CFAP92: variants seen among roughly 807,000 people sequenced by gnomAD.
CFAP92 encodes the protein cilia and flagella associated protein 92 (putative).
In CFAP92, 86 loss-of-function variants were observed where a neutral mutation model predicts 106.3. That is an observed-to-expected ratio of 0.81 (90% CI 0.68 to 0.97). The LOEUF (loss-of-function observed/expected upper bound fraction) is 0.97, where lower values mean the gene tolerates loss of function less well. Ranked by LOEUF, CFAP92 falls within the 50% of genes least tolerant of loss-of-function variation. The pLI is 0.00. For synonymous variants in CFAP92, 477 were observed against 506.4 expected (o/e 0.94, Z 0.78); for missense variants, 1,204 against 1,283.8 (o/e 0.94, Z 0.95).
chr3:128,970,521 G>A (rs768308155), intron 8 of CFAP92: 1 of 151,854 alleles, frequency 6.6e-6, no homozygotes, highest in South Asian at 2.1e-4. Flanking sequence ...AAAAAAAAAG[G>A]GGGGGAGTTC....
At chr3:128,912,864 G>A (rs538465197) in intron 15 of CFAP92, 32 of 639,420 alleles carry the variant, frequency 5.0e-5, no homozygotes, top group South Asian at 4.0e-4. Context: ...CCCTGGAACT[G>A]GCGGGTATTC....
rs371908825 is a variant in CFAP92 at position 128,910,111 on chromosome 3, C to T, written c.*188G>A. On this transcript the variant is annotated 3_prime_UTR_variant, in exon 16 of 16. Transcript: ENST00000645291. The stretch of plus-strand genomic sequence containing the variant: ...GACGGCCGTGCTGTCGCGGGCCAGC[C>T]GCTCCATCCGCATTGGGCTCCGCAA... The T allele has an allele frequency of 1.2e-5, 20 of 1,613,866 alleles. No individual in the cohort carries two copies. The highest frequency in any genetic ancestry group is 6.7e-5 in the African/African-American group (5 of 74,938).
chr3:128,991,761 G>A (rs988876172), intron 2 of CFAP92: 1 of 1,011,094 alleles, frequency 9.9e-7, no homozygotes, highest in East Asian at 1.1e-4. Flanking sequence ...TGCGCTCTCG[G>A]GGTTCCAACC....
At chr3:129,000,391 G>A (rs1944666701) in intron 1 of CFAP92, among the ~76,000 whole-genome samples, 1 of 152,190 alleles carries the variant, frequency 6.6e-6, no homozygotes, top group South Asian at 2.1e-4. Flanking sequence ...TGTGGCAGAG[G>A]AGACAGAATG....
intron 9 of CFAP92, among the ~76,000 whole-genome samples, chr3:128,957,850 G>C (rs1362475375): frequency 6.6e-6 from 1 of 152,006 alleles, no homozygotes; most frequent in Non-Finnish European, 1.5e-5. Context: ...GGCTTAAAAT[G>C]ACAGAAATTT....
At chr3:129,012,929 C>T in the CFAP92 span, among the ~76,000 whole-genome samples, 4 of 152,058 alleles carry the variant, frequency 2.6e-5, no homozygotes, top group South Asian at 2.1e-4. Context: ...AAGGGCCTGG[C>T]GCATGGATGG....
At chr3:129,004,212 C>G, upstream of CFAP92, 1 of 1,152,578 alleles carries the variant, frequency 8.7e-7, no homozygotes, top group Non-Finnish European at 1.1e-6. Context: ...TGTATTCTTT[C>G]ATTCCTTTGT....
intron 1 of CFAP92, chr3:129,001,522 C>T (rs559331172): frequency 2.3e-6 from 3 of 1,331,474 alleles, no homozygotes; most frequent in Admixed American, 8.0e-5. Context: ...CCAACCAGAC[C>T]GCGACCGCTA....
chr3:128,924,156 G>C lies in CFAP92; in HGVS notation c.2752-7885C>G, dbSNP rs1937519580. ...AGCTGAGTGTTGGGAAAAAAGCTGAGGCAGGACTTGCATGTCTGATATAAT... is the reference window on the plus strand; with the variant it reads ...AGCTGAGTGTTGGGAAAAAAGCTGACGCAGGACTTGCATGTCTGATATAAT... On this transcript the variant is annotated intron_variant, in intron 12 of 15. Coordinates refer to ENST00000645291, the MANE Select transcript of CFAP92 (RefSeq NM_001394090.1). Among the ~76,000 whole-genome samples, 3 of 152,316 alleles carry C rather than the reference G, an allele frequency of 2.0e-5. No homozygotes were observed. In the South Asian group the frequency reaches 6.2e-4, roughly 32 times the overall value.
chr3:128,953,594 T>C (rs146586501), intron 9 of CFAP92, among the ~76,000 whole-genome samples: 4,643 of 103,212 alleles, frequency 0.045, 524 homozygotes, highest in African/African-American at 0.22. Flanking sequence ...CCTCTCCCTC[T>C]CCCTCCCCCT....
intron 11 of CFAP92, 54 bp from the exon 12 acceptor site, chr3:128,933,051 G>A: frequency 6.9e-7 from 1 of 1,458,044 alleles, no homozygotes; most frequent in South Asian, 1.2e-5. Context: ...CAAGACAGGT[G>A]TAATCACTCC....
At chr3:128,935,021 CTATCTAG>C in intron 11 of CFAP92, 97 bp downstream of exon 11, 2 of 854,912 alleles carry the variant, frequency 2.3e-6, no homozygotes, top group Non-Finnish European at 3.5e-6. Context: ...GTTGGGGCCA[CTATCTAG>C]TTGTTGGATG....
At chr3:128,958,630 G>A (rs1430003310) in intron 9 of CFAP92, among the ~76,000 whole-genome samples, 6 of 152,214 alleles carry the variant, frequency 3.9e-5, no homozygotes, top group Non-Finnish European at 8.8e-5. Flanking sequence ...GGCTGGCACT[G>A]TGGCTTACAC....
chr3:128,958,661 G>A (rs1941631410), intron 9 of CFAP92, among the ~76,000 whole-genome samples: 1 of 152,204 alleles, frequency 6.6e-6, no homozygotes, highest in African/African-American at 2.4e-5. Context: ...AGCACTTTGG[G>A]AGGCCACGGC....
At chr3:128,953,669 G>A (rs1161391420) in intron 9 of CFAP92, among the ~76,000 whole-genome samples, 2 of 121,822 alleles carry the variant, frequency 1.6e-5, no homozygotes, top group Admixed American at 8.4e-5. Flanking sequence ...ATGCGGAGCC[G>A]AAGCTGGACT....
the CFAP92 span, among the ~76,000 whole-genome samples, chr3:129,022,564 G>A: frequency 6.6e-6 from 1 of 152,224 alleles, no homozygotes; most frequent in African/African-American, 2.4e-5. Context: ...GAAGACATCA[G>A]AGGCTCACCC....
At chr3:129,025,522 G>A in the CFAP92 span, among the ~76,000 whole-genome samples, 1 of 152,246 alleles carries the variant, frequency 6.6e-6, no homozygotes, top group Non-Finnish European at 1.5e-5. Context: ...GGCAGCATGT[G>A]TAGTAGGCAC....
chr3:129,019,934 A>C, the CFAP92 span, among the ~76,000 whole-genome samples: 4 of 151,696 alleles, frequency 2.6e-5, no homozygotes, highest in African/African-American at 9.7e-5. Flanking sequence ...ACGCCCGGCT[A>C]ATTTTTGTAT....
intron 15 of CFAP92, chr3:128,914,596 T>A (rs1936654196): frequency 6.5e-6 from 1 of 153,028 alleles, no homozygotes; most frequent in South Asian, 2.1e-4. Context: ...TATGTTAACC[T>A]CCAGATGATC....
Sources: gnomAD v4.1 joint callset for allele counts (sites outside exome capture counted in the v4.1 genomes callset) on GRCh38, gnomAD v4.1.1 for gene constraint, MANE v1.5 for transcripts, NCBI Gene and HGNC (gene_info 2026-07-23, HGNC 2026-07-21) for gene names.